DRP2: variants seen among roughly 807,000 people sequenced by gnomAD.
DRP2 encodes the protein dystrophin-related protein 2.
A neutral mutation model predicts 78.2 loss-of-function variants in DRP2; 29 were observed. That is an observed-to-expected ratio of 0.37 (90% confidence interval 0.28 to 0.51). The LOEUF (loss-of-function observed/expected upper bound fraction) is 0.51. DRP2 is among the 20% of genes least tolerant of loss of function. The pLI is 0.94. For missense variants in DRP2, 686 were observed against 770.6 expected, an observed-to-expected ratio of 0.89 and a Z score of 1.30; for synonymous variants, 290 against 281.9, an observed-to-expected ratio of 1.03 and a Z score of -0.29.
chrX:101,224,191 G>GTTTTGTTTTGTT (rs1922007763), intron 1 of DRP2, among the ~76,000 whole-genome samples: 4 of 38,882 alleles, frequency 1.0e-4, no homozygotes, highest in African/African-American at 5.1e-4. Flanking sequence ...GGTTTTTTTT[G>GTTTTGTTTTGTT]TTTTTTTTTT....
chrX:101,248,264 C>T lies in DRP2; in HGVS notation c.1428C>T (p.Leu476=). 8.3e-7 allele frequency: 1 copy of T among 1,211,127 alleles called. No homozygotes were observed. The highest frequency in any genetic ancestry group is 1.1e-6 in the Non-Finnish European group (1 of 895,192). The change falls in exon 13 of 24, where the codon CTC becomes CTT. Residue 476 remains leucine (L), a synonymous_variant. Transcript: ENST00000395209. ...TGCCACTCTGTGTGGACATGAGCCT[C>T]AATTGGCTCCTCAATGTTTTTGATA... ...VNVPLCVDMS[L]NWLLNVFDSG... is the part of the protein sequence containing the mutation.
chrX:101,237,417 C>T (rs773947493), intron 4 of DRP2, among the ~76,000 whole-genome samples: 2 of 112,003 alleles, frequency 1.8e-5, no homozygotes, highest in East Asian at 5.6e-4. Flanking sequence ...GGTTTTAGTA[C>T]TGTGCTCTAT....
At chrX:101,220,741 G>C (rs2147323942) in intron 1 of DRP2, among the ~76,000 whole-genome samples, 1 of 111,061 alleles carries the variant, frequency 9.0e-6, no homozygotes, top group East Asian at 2.9e-4. Flanking sequence ...TAAGAGCCTG[G>C]AGCTGAAGGG....
In DRP2 at chrX:101,260,898, G is replaced by A; in HGVS notation, c.*277G>A. On this transcript the variant is annotated 3_prime_UTR_variant, in exon 24 of 24. Transcript: ENST00000395209. ...TAAGTACCTTTCTGTTGCAGCCCAG[G>A]CAAATATCACTTGGCCATTCAGATG... 1 of 272,192 alleles carries A rather than the reference G, an allele frequency of 3.7e-6. No individual in the cohort carries two copies. 22.4% of individuals were successfully genotyped at this position (272,192 alleles called of 1,213,427 possible).
Position 101,231,633 on chromosome X carries a change from T to G in DRP2, c.-15T>G. On this transcript the variant is annotated 5_prime_UTR_variant, in exon 3 of 24. The change abolishes an upstream ATG in the 5' untranslated region. Coordinates refer to ENST00000395209, the MANE Select transcript of DRP2 (RefSeq NM_001939.3). ...GCACTGCCTATCCTCATCCCCCCCA[T>G]GAGCCTTGGTTTTTATGCAACCTAT... 1.3e-4 allele frequency: 149 copies of G among 1,189,858 alleles called. No homozygotes were observed. The highest frequency in any genetic ancestry group is 1.6e-4 in the Non-Finnish European group (140 of 875,790).
chrX:101,224,208 T>TTTTTTTTTTTTTTTTTTTTTTTG (rs1922023299), intron 1 of DRP2, among the ~76,000 whole-genome samples: 1 of 72,402 alleles, frequency 1.4e-5, no homozygotes. Flanking sequence ...TTTTTTTTTT[T>TTTTTTTTTTTTTTTTTTTTTTTG]TTTTTTTTTT....
At chrX:101,234,593 T>C (rs1421878782) in intron 3 of DRP2, among the ~76,000 whole-genome samples, 2 of 112,341 alleles carry the variant, frequency 1.8e-5, no homozygotes, top group African/African-American at 6.5e-5. Flanking sequence ...TTCTGCCTGT[T>C]TGTGGCTCAC....
rs1040458852 is a variant in DRP2, at chrX:101,220,136, G to A, written c.-177G>A. ...CTGCCGCCTGCTTCTCAGACCTGACGGAATCAGAAGGTAGGCCACAGAAAA... is the reference window on the plus strand; with the variant it reads ...CTGCCGCCTGCTTCTCAGACCTGACAGAATCAGAAGGTAGGCCACAGAAAA... On this transcript the variant is annotated 5_prime_UTR_variant, in exon 1 of 24. Transcript: ENST00000395209. 3.6e-5 allele frequency: 4 copies of A among 110,879 alleles called. No homozygotes were observed. Among genetic ancestry groups the A allele is most frequent in the Admixed American group, 9.7e-5 (1 of 10,353 alleles). 9.1% of individuals were successfully genotyped at this position (110,879 alleles called of 1,213,427 possible). A position where few individuals can be genotyped will look rare whatever the true frequency, so the allele number is the denominator to read the frequency against.
chrX:101,248,811 G>A (rs1923029696), intron 14 of DRP2, among the ~76,000 whole-genome samples: 1 of 112,334 alleles, frequency 8.9e-6, no homozygotes, highest in Admixed American at 9.4e-5. Context: ...TATTCCCAGT[G>A]TCACTCCAAC....
rs1322622414 is a variant in DRP2 at position 101,242,946 on chromosome X, C to G, written c.1018C>G (p.Arg340Gly). 8.3e-7 allele frequency: 1 copy of G among 1,208,670 alleles called. No homozygotes were observed. Among genetic ancestry groups the G allele is most frequent in the Admixed American group, 2.2e-5 (1 of 45,614 alleles). ...GCTTAAGCAGCTCCAGGATGCCCAC[C>G]GGGACTTTGGGCCTGGGTCACAGCA... ...ERLKQLQDAH[R>G]DFGPGSQHFL... is the part of the protein sequence containing the mutation. The change falls in exon 9 of 24, where the codon CGG (arginine) becomes GGG (glycine). Residue 340 changes from arginine (R) to glycine (G), a missense_variant. By Grantham distance (125) the Arg-to-Gly change is moderately radical. Transcript: ENST00000395209.
intron 7 of DRP2, 96 bp downstream of exon 7, chrX:101,242,032 G>T: frequency 2.0e-6 from 2 of 1,008,920 alleles, no homozygotes; most frequent in Non-Finnish European, 2.7e-6. Context: ...TCCATTGTTG[G>T]CCTGGACTAC....
Position 101,242,218 on chromosome X carries a change from G to A in DRP2, c.829-107G>A, listed in dbSNP as rs1922758190. 8 of 1,100,983 alleles carry A rather than the reference G, an allele frequency of 7.3e-6. No homozygotes were observed. The South Asian group carries it at 1.1e-4, about 15-fold the overall frequency. The allele number at this position is 1,100,983 out of a possible 1,213,427, so 90.7% of individuals were successfully genotyped here. A position where few individuals can be genotyped will look rare whatever the true frequency, so the allele number is the denominator to read the frequency against. ...CCCTAATAGGCAAGCACTAGGCTGTGTTATTGAAACAAAACCTCTGGGTGA... is the reference window on the plus strand; with the variant it reads ...CCCTAATAGGCAAGCACTAGGCTGTATTATTGAAACAAAACCTCTGGGTGA... On this transcript the variant is annotated intron_variant, in intron 7 of 23. Transcript: ENST00000395209.
chrX:101,250,217 C>T (rs950534626), intron 14 of DRP2, among the ~76,000 whole-genome samples: 8 of 111,289 alleles, frequency 7.2e-5, no homozygotes, highest in African/African-American at 2.6e-4. Context: ...TTTGTGTTGG[C>T]CTGATTTTTC....
chrX:101,242,546 G>C, intron 8 of DRP2, 75 bp downstream of exon 8: 1 of 1,120,122 alleles, frequency 8.9e-7, no homozygotes, highest in Non-Finnish European at 1.2e-6. Flanking sequence ...TTCTTCAGGG[G>C]TATGGAAATA....
In DRP2 at chrX:101,258,331, C is replaced by T. The variant is rs770602445; in HGVS notation, c.2413C>T (p.Arg805Cys). 1.1e-5 allele frequency: 13 copies of T among 1,179,746 alleles called. No homozygotes were observed. Among genetic ancestry groups the T allele is most frequent in the Admixed American group, 7.4e-5 (3 of 40,587 alleles). Residue 805 changes from arginine to cysteine, a missense_variant, in exon 22 of 24, where the codon CGC (arginine) becomes TGC (cysteine). Physicochemically the swap from Arg to Cys is radical, Grantham distance 180. Coordinates refer to ENST00000395209, the MANE Select transcript of DRP2 (RefSeq NM_001939.3). ...CAGGATTCTCCAGGGAGAGCTGAGGCGCCTGAAGTGGCAGCATGAGGAGGC... is the reference window on the plus strand; with the variant it reads ...CAGGATTCTCCAGGGAGAGCTGAGGTGCCTGAAGTGGCAGCATGAGGAGGC... ...ENRILQGELR[R>C]LKWQHEEAAE... is the part of the protein sequence containing the mutation.
chrX:101,254,582 A>G (rs1923268328), intron 18 of DRP2, 21 bp downstream of exon 18: 4 of 1,211,393 alleles, frequency 3.3e-6, no homozygotes, highest in Non-Finnish European at 4.5e-6. Flanking sequence ...GTGGCTGAGC[A>G]GGGGCTGTGG....
At chrX:101,255,371 C>T in intron 20 of DRP2, 122 bp downstream of exon 20, 3 of 708,414 alleles carry the variant, frequency 4.2e-6, no homozygotes, top group Non-Finnish European at 6.4e-6. Flanking sequence ...CCTTAGCTCC[C>T]TAAGGAAGGA....
intron 7 of DRP2, 121 bp from the exon 8 acceptor site, chrX:101,242,204 A>G: frequency 9.7e-7 from 1 of 1,035,205 alleles, no homozygotes; most frequent in Non-Finnish European, 1.3e-6. Flanking sequence ...CCTAATAGGC[A>G]AGCACTAGGC....
chrX:101,262,160 C>T lies in DRP2; in HGVS notation c.*1539C>T, dbSNP rs958840300. ...TATCCTGGCTGTTCCCCTAGGATATCTCTCTCCATTGATGTTTGGGGTGGG... is the reference window on the plus strand; with the variant it reads ...TATCCTGGCTGTTCCCCTAGGATATTTCTCTCCATTGATGTTTGGGGTGGG... On this transcript the variant is annotated 3_prime_UTR_variant, in exon 24 of 24. Transcript: ENST00000395209. The T allele has an allele frequency of 9.0e-6, 1 of 111,607 alleles. No individual in the cohort carries two copies. The highest frequency in any genetic ancestry group is 3.3e-5 in the African/African-American group (1 of 30,699). The allele number at this position is 111,607 out of a possible 1,213,427, so 9.2% of individuals were successfully genotyped here.
Sources: allele counts gnomAD v4.1 joint callset (sites outside exome capture counted in the v4.1 genomes callset), GRCh38; gene constraint gnomAD v4.1.1; transcripts MANE v1.5; gene names NCBI Gene and HGNC (gene_info 2026-07-23, HGNC 2026-07-21).